The following STYXL2 variants were observed in gnomAD, a reference collection of about 807,000 sequenced individuals.
The protein encoded by STYXL2 is serine/threonine/tyrosine interacting like 2, also known as serine/threonine/tyrosine-interacting-like protein 2.
In STYXL2, 44 loss-of-function variants were observed where a neutral mutation model predicts 52.4. The observed-to-expected ratio is 0.84, with a 90% CI of 0.66 to 1.08. The LOEUF (loss-of-function observed/expected upper bound fraction) is 1.08, where lower values mean the gene tolerates loss of function less well. Among genes scored for constraint, STYXL2 ranks in the 50% least tolerant of loss-of-function variants. The pLI is 0.00. For missense variants in STYXL2, 1,604 were observed against 1,471.7 expected, an observed-to-expected ratio of 1.09 and a Z score of -1.47; for synonymous variants, 604 against 586.9, an observed-to-expected ratio of 1.03 and a Z score of -0.42.
chr1:167,111,950 T>C (rs547369394), intron 2 of STYXL2, among the ~76,000 whole-genome samples: 1 of 152,224 alleles, frequency 6.6e-6, no homozygotes, highest in East Asian at 1.9e-4. Flanking sequence ...CACAAATTGT[T>C]GTCCAACTTC....
chr1:167,117,499 G>T lies in STYXL2; in HGVS notation c.377G>T (p.Arg126Leu), dbSNP rs765335271. The T allele has an allele frequency of 5.0e-6, 8 of 1,610,874 alleles. No homozygotes were observed. In the Admixed American group the frequency reaches 6.7e-5, roughly 13 times the overall value. ...LDLQRALVQD[R>L]QEAPWNEVDE... ...CTACAGCGGGCCCTGGTTCAGGATCGCCAAGAGGCGCCCTGGAATGAGGTG... is the reference window on the plus strand; with the variant it reads ...CTACAGCGGGCCCTGGTTCAGGATCTCCAAGAGGCGCCCTGGAATGAGGTG... The change falls in exon 4 of 6, where the codon CGC (arginine) becomes CTC (leucine). Residue 126 changes from arginine to leucine, a missense_variant. By Grantham distance (102) the Arg-to-Leu change is moderately radical. Transcript: ENST00000361200.
chr1:167,119,253 G>A lies in STYXL2; in HGVS notation c.442G>A (p.Val148Met), dbSNP rs1667797077. 1 of 1,614,020 alleles carries A rather than the reference G, an allele frequency of 6.2e-7. No individual in the cohort carries two copies. Among genetic ancestry groups the A allele is most frequent in the Non-Finnish European group, 8.5e-7 (1 of 1,180,018 alleles). ...GGTCCCTGCCTCTTCCCGCAGGAGT[G>A]TGGCTGTGAACAAGGGGAGGCTGAA... ...WPNVFIAEKS[V>M]AVNKGRLKRL... is the part of the protein sequence containing the mutation. Residue 148 changes from valine (V) to methionine (M), a missense_variant, in exon 5 of 6, where the codon GTG becomes ATG. Coordinates refer to ENST00000361200, the MANE Select transcript of STYXL2 (RefSeq NM_001080426.3).
At chr1:167,108,359 T>C (rs1435820370) in intron 2 of STYXL2, among the ~76,000 whole-genome samples, 1 of 152,156 alleles carries the variant, frequency 6.6e-6, no homozygotes, top group Non-Finnish European at 1.5e-5. Context: ...TTTACTGTCT[T>C]CACCAAGTAA....
In STYXL2 at chr1:167,128,082, A is replaced by G; in HGVS notation, c.2951A>G (p.Gln984Arg). The G allele has an allele frequency of 6.2e-7, 1 of 1,614,206 alleles. No individual in the cohort carries two copies. Among genetic ancestry groups the G allele is most frequent in the Non-Finnish European group, 8.5e-7 (1 of 1,180,032 alleles). ...TCCAGTTACAAGTTTTCCAAATCCC[A>G]GTCAGAGGAACAGGACACCTCCTCC... Reference protein sequence around the residue: ...KSSSYKFSKSQSEEQDTSSYH... With the variant: ...KSSSYKFSKSRSEEQDTSSYH... The change falls in exon 6 of 6, where the codon CAG becomes CGG. Residue 984 changes from glutamine to arginine, a missense_variant. By Grantham distance (43) the Gln-to-Arg change is conservative (BLOSUM62 1). Transcript: ENST00000361200.
chr1:167,097,451 C>G (rs947305860), intron 2 of STYXL2, among the ~76,000 whole-genome samples: 1 of 152,100 alleles, frequency 6.6e-6, no homozygotes, highest in African/African-American at 2.4e-5. Context: ...GCCTTTTTGT[C>G]TCCGTTTAAT....
At chr1:167,094,226 T>C (rs1424809732) in intron 1 of STYXL2, 32 bp downstream of exon 1, 1 of 152,610 alleles carries the variant, frequency 6.6e-6, no homozygotes, top group South Asian at 2.1e-4. Flanking sequence ...TCAATCCTGG[T>C]GAGCCCAGGA....
intron 2 of STYXL2, among the ~76,000 whole-genome samples, chr1:167,104,158 C>T (rs1466287412): frequency 2.0e-5 from 3 of 152,098 alleles, no homozygotes; most frequent in African/African-American, 4.8e-5. Context: ...GCAAACCAAC[C>T]TCTGCCCGTC....
At position 167,126,402 on chromosome 1, in the gene STYXL2, G is replaced by A. The variant is rs1259703016; in HGVS notation, c.1271G>A (p.Gly424Asp). ...GAGAAGGAGGAGGAGAGCGACGCTG[G>A]CTCCTCGGTGGGGAGGCGGCGGCGC... is the stretch of plus-strand genomic sequence containing the variant. ...EEEKEEESDA[G>D]SSVGRRRRTL... Residue 424 changes from glycine to aspartate, a missense_variant, in exon 6 of 6, where the codon GGC (glycine) becomes GAC (aspartate). Gly to Asp is a moderately conservative substitution (Grantham distance 94). Coordinates refer to ENST00000361200, the MANE Select transcript of STYXL2 (RefSeq NM_001080426.3). The A allele has an allele frequency of 6.4e-7, 1 of 1,557,662 alleles. No homozygotes were observed. The highest frequency in any genetic ancestry group is 8.7e-7 in the Non-Finnish European group (1 of 1,151,006).
intron 2 of STYXL2, among the ~76,000 whole-genome samples, chr1:167,100,644 A>G (rs1445287739): frequency 1.3e-5 from 2 of 152,192 alleles, no homozygotes; most frequent in East Asian, 1.9e-4. Flanking sequence ...GCTCAACCTG[A>G]AAGACCCACT....
intron 2 of STYXL2, among the ~76,000 whole-genome samples, chr1:167,105,683 C>T (rs1667493935): frequency 6.6e-6 from 1 of 152,216 alleles, no homozygotes; most frequent in Admixed American, 6.5e-5. Context: ...TGCCCCCACA[C>T]CTTTCTTTAT....
At chr1:167,118,067 G>C (rs1667766760) in intron 4 of STYXL2, among the ~76,000 whole-genome samples, 1 of 152,196 alleles carries the variant, frequency 6.6e-6, no homozygotes, top group Non-Finnish European at 1.5e-5. Context: ...ACAACAGTTA[G>C]GAAATGTGAG....
At chr1:167,112,608 T>A (rs1436414284) in intron 2 of STYXL2, among the ~76,000 whole-genome samples, 2 of 152,278 alleles carry the variant, frequency 1.3e-5, no homozygotes, top group South Asian at 4.1e-4. Flanking sequence ...CCAATCCACC[T>A]CCCTGTTCTA....
chr1:167,123,523 A>AG (rs1222439355), intron 5 of STYXL2, among the ~76,000 whole-genome samples: 4 of 152,206 alleles, frequency 2.6e-5, no homozygotes, highest in Non-Finnish European at 5.9e-5. Context: ...CAGAGGGTGG[A>AG]GGGGAGGTCC....
chr1:167,103,511 T>A (rs980026150), intron 2 of STYXL2, among the ~76,000 whole-genome samples: 1 of 152,094 alleles, frequency 6.6e-6, no homozygotes, highest in Non-Finnish European at 1.5e-5. Context: ...CATCTGTAAA[T>A]CTCATCCTAG....
At chr1:167,123,748 C>T (rs141896158) in intron 5 of STYXL2, among the ~76,000 whole-genome samples, 4,082 of 152,236 alleles carry the variant, frequency 0.027, 199 homozygotes, top group African/African-American at 0.093. Flanking sequence ...CTCAGCCTCC[C>T]GAATAGCTGG....
Position 167,113,801 on chromosome 1 carries a change from G to T in STYXL2, c.202G>T (p.Glu68Ter). The T allele has an allele frequency of 1.2e-6, 2 of 1,612,792 alleles. No homozygotes were observed. The highest frequency in any genetic ancestry group is 1.7e-6 in the Non-Finnish European group (2 of 1,178,898). ...SAIAAKQIINEELKPPGVRAD... is the reference protein window; with the variant it reads ...SAIAAKQIIN ...CATTGCAGCCAAACAGATCATCAAT[G>T]AAGGTAATGCAATCAAAAGCTGGGT... The change falls in exon 3 of 6, where the codon GAA becomes TAA. Residue 68 changes from glutamate (E) to a stop codon, truncating the protein, a stop_gained. Coordinates refer to ENST00000361200, the MANE Select transcript of STYXL2 (RefSeq NM_001080426.3). LOFTEE classifies it high-confidence loss of function.
chr1:167,094,650 A>C (rs1195678007), intron 1 of STYXL2, among the ~76,000 whole-genome samples, 184 bp from the exon 2 acceptor site: 1 of 151,718 alleles, frequency 6.6e-6, no homozygotes, highest in African/African-American at 2.4e-5. Flanking sequence ...GGCGGGGTGC[A>C]CTTCTTGGTG....
intron 5 of STYXL2, among the ~76,000 whole-genome samples, chr1:167,122,058 G>C (rs114357503): frequency 0.017 from 2,630 of 152,216 alleles, 29 homozygotes; most frequent in Non-Finnish European, 0.027. Flanking sequence ...TAATCACAAA[G>C]AGCCTATGAG....
At chr1:167,108,054 C>T (rs960917969) in intron 2 of STYXL2, among the ~76,000 whole-genome samples, 2 of 152,140 alleles carry the variant, frequency 1.3e-5, no homozygotes, top group Non-Finnish European at 2.9e-5. Flanking sequence ...GAACCCAGTG[C>T]AAGTTGAGGC....
Sources: gnomAD v4.1 joint callset for allele counts (sites outside exome capture counted in the v4.1 genomes callset) on GRCh38, gnomAD v4.1.1 for gene constraint, MANE v1.5 for transcripts, NCBI Gene and HGNC (gene_info 2026-07-23, HGNC 2026-07-21) for gene names.